The following GRM8 variants were observed in gnomAD, a reference collection of about 807,000 sequenced individuals.
The protein encoded by GRM8 is glutamate metabotropic receptor 8.
A neutral mutation model predicts 87.2 loss-of-function variants in GRM8; 47 were observed. The ratio of observed to expected loss-of-function variants is 0.54; its 90% CI spans 0.43 to 0.69. GRM8 has a LOEUF of 0.69. Among genes scored for constraint, GRM8 ranks in the 30% least tolerant of loss-of-function variants. The probability of loss-of-function intolerance (pLI) is 0.00; values close to 1 mark genes in which losing one functional copy is unlikely to be tolerated. For synonymous variants in GRM8, 396 were observed against 404.5 expected (o/e 0.98, Z 0.25); for missense variants, 1,019 against 1,139.2 (o/e 0.89, Z 1.52).
At chr7:127,167,079 A>C (rs1793498254) in intron 2 of GRM8, among the ~76,000 whole-genome samples, 1 of 152,178 alleles carries the variant, frequency 6.6e-6, no homozygotes, top group Non-Finnish European at 1.5e-5. Flanking sequence ...TGGGCATAGA[A>C]GGTTTAGAGT....
chr7:127,162,027 C>T lies in GRM8; in HGVS notation c.511-55315G>A, dbSNP rs182346513. 2.0e-5 allele frequency among the ~76,000 whole-genome samples: 3 copies of T among 152,282 alleles called. No homozygotes were observed. The East Asian group carries it at 5.8e-4, about 29-fold the overall frequency. Reference sequence around the variant, plus strand: ...AGAGTGAACACAATGGAATATTACTCATTGCTCACACACCTGTCAAGATGT... The same window carrying T: ...AGAGTGAACACAATGGAATATTACTTATTGCTCACACACCTGTCAAGATGT... On this transcript the variant is annotated intron_variant, in intron 2 of 10. Transcript: ENST00000339582.
At chr7:126,971,148 T>G (rs1810374887) in intron 3 of GRM8, among the ~76,000 whole-genome samples, 1 of 113,878 alleles carries the variant, frequency 8.8e-6, no homozygotes, top group African/African-American at 3.5e-5. Flanking sequence ...GCCACAAAAT[T>G]TCAATTTGTA....
At position 127,193,239 on chromosome 7, in the gene GRM8, C is replaced by T. The variant is rs924189518; in HGVS notation, c.510+49456G>A. ...TTGGTATTTTTAATATTTTTCTTCT[C>T]GACAAAAGAACACAACATCATCATA... On this transcript the variant is annotated intron_variant, in intron 2 of 10. Transcript: ENST00000339582. Among the ~76,000 whole-genome samples the T allele has an allele frequency of 2.0e-5, 3 of 152,050 alleles. No individual in the cohort carries two copies. The East Asian group carries it at 5.8e-4, about 29-fold the overall frequency.
At chr7:127,025,847 T>A (rs1816724527) in intron 3 of GRM8, among the ~76,000 whole-genome samples, 1 of 152,020 alleles carries the variant, frequency 6.6e-6, no homozygotes, top group Admixed American at 6.6e-5. Flanking sequence ...ATCATATCAT[T>A]TCTAGGTGAT....
intron 7 of GRM8, among the ~76,000 whole-genome samples, chr7:126,724,689 A>G (rs771709003): frequency 1.3e-5 from 2 of 152,100 alleles, no homozygotes; most frequent in African/African-American, 2.4e-5. Flanking sequence ...TTTTATGTAA[A>G]GCACATTTTA....
At chr7:126,969,232 T>C (rs913127254) in intron 3 of GRM8, among the ~76,000 whole-genome samples, 2 of 152,124 alleles carry the variant, frequency 1.3e-5, no homozygotes, top group Non-Finnish European at 2.9e-5. Context: ...GGCAATTTTG[T>C]AAAATAAAAC....
At chr7:126,937,815 G>C (rs895672534) in intron 3 of GRM8, among the ~76,000 whole-genome samples, 1 of 152,306 alleles carries the variant, frequency 6.6e-6, no homozygotes, top group Middle Eastern at 3.4e-3. Flanking sequence ...TGATAGAGAG[G>C]CCTAGACATA....
At chr7:126,714,739 G>C (rs1811526244) in intron 7 of GRM8, among the ~76,000 whole-genome samples, 1 of 152,040 alleles carries the variant, frequency 6.6e-6, no homozygotes, top group Non-Finnish European at 1.5e-5. Flanking sequence ...TCCCCAAAAA[G>C]TTAACTACTT....
chr7:127,212,427 T>C (rs1283321743), intron 2 of GRM8, among the ~76,000 whole-genome samples: 1 of 145,812 alleles, frequency 6.9e-6, no homozygotes, highest in Non-Finnish European at 1.5e-5. Flanking sequence ...TTTTTTTTTT[T>C]TTTTTTTTGA....
At chr7:127,232,742 C>T (rs1329091926) in intron 2 of GRM8, among the ~76,000 whole-genome samples, 1 of 152,130 alleles carries the variant, frequency 6.6e-6, no homozygotes, top group Non-Finnish European at 1.5e-5. Context: ...TATGGTGCCT[C>T]CTATGGAGCA....
chr7:126,985,192 T>C lies in GRM8; in HGVS notation c.728-80509A>G, dbSNP rs183978678. Among the ~76,000 whole-genome samples, 614 of 152,298 alleles carry C rather than the reference T, an allele frequency of 4.0e-3. 1 individual carries two copies. Among genetic ancestry groups the C allele is most frequent in the Middle Eastern group, 6.8e-3 (2 of 294 alleles). ...ATTTCCCATTTCCTTGTCACGTGCATGAAGCCCACATCATGTCTTTTTCCA... is the reference window on the plus strand; with the variant it reads ...ATTTCCCATTTCCTTGTCACGTGCACGAAGCCCACATCATGTCTTTTTCCA... On this transcript the variant is annotated intron_variant, in intron 3 of 10. Coordinates refer to ENST00000339582, the MANE Select transcript of GRM8 (RefSeq NM_000845.3).
intron 3 of GRM8, among the ~76,000 whole-genome samples, chr7:127,057,224 C>T (rs1820085198): frequency 6.6e-6 from 1 of 152,126 alleles, no homozygotes; most frequent in Admixed American, 6.6e-5. Flanking sequence ...TAACTCATTT[C>T]TAAACATGTA....
chr7:127,197,790 TATCTC>T (rs1795367369), intron 2 of GRM8, among the ~76,000 whole-genome samples: 1 of 152,178 alleles, frequency 6.6e-6, no homozygotes, highest in Admixed American at 6.5e-5. Flanking sequence ...TCATTGTTCT[TATCTC>T]AGAGGCATCT....
At chr7:127,090,169 G>T (rs1413037959) in intron 3 of GRM8, among the ~76,000 whole-genome samples, 1 of 152,090 alleles carries the variant, frequency 6.6e-6, no homozygotes, top group East Asian at 1.9e-4. Flanking sequence ...CTAATCTTCT[G>T]CTTCCATCTT....
chr7:127,028,488 T>C (rs1006229006), intron 3 of GRM8, among the ~76,000 whole-genome samples: 1 of 152,202 alleles, frequency 6.6e-6, no homozygotes, highest in Non-Finnish European at 1.5e-5. Context: ...TGGTAGGCTA[T>C]TAATGATTGC....
intron 7 of GRM8, among the ~76,000 whole-genome samples, chr7:126,676,108 C>T (rs1806933019): frequency 6.6e-6 from 1 of 152,090 alleles, no homozygotes; most frequent in East Asian, 1.9e-4. Context: ...AAACCAAAAA[C>T]AAATCAAGAA....
intron 3 of GRM8, among the ~76,000 whole-genome samples, chr7:127,072,361 C>G (rs1423506880): frequency 2.0e-5 from 3 of 152,170 alleles, no homozygotes; most frequent in Non-Finnish European, 4.4e-5. Context: ...AATAGGATCT[C>G]TGAGACTGCT....
intron 2 of GRM8, among the ~76,000 whole-genome samples, chr7:127,187,703 G>C (rs546568931): frequency 6.6e-6 from 1 of 152,180 alleles, no homozygotes; most frequent in East Asian, 1.9e-4. Flanking sequence ...TGCTGTGTCA[G>C]GTCTACCATT....
intron 6 of GRM8, among the ~76,000 whole-genome samples, chr7:126,840,316 G>A (rs1391086189): frequency 6.6e-6 from 1 of 151,998 alleles, no homozygotes; most frequent in Non-Finnish European, 1.5e-5. Context: ...AATTAATTAG[G>A]TTTAGCTCTA....
Sources: gnomAD v4.1 joint callset for allele counts (sites outside exome capture counted in the v4.1 genomes callset) on GRCh38, gnomAD v4.1.1 for gene constraint, MANE v1.5 for transcripts, NCBI Gene and HGNC (gene_info 2026-07-23, HGNC 2026-07-21) for gene names.